The following ITGA9 variants were observed in gnomAD, a reference collection of about 807,000 sequenced individuals.
The protein encoded by ITGA9 is integrin subunit alpha 9.
In ITGA9, 56 loss-of-function variants were observed where a neutral mutation model predicts 127.8. The ratio of observed to expected loss-of-function variants is 0.44; its 90% confidence interval spans 0.35 to 0.55. The LOEUF (loss-of-function observed/expected upper bound fraction) is 0.55, where lower values mean the gene tolerates loss of function less well. Among genes scored for constraint, ITGA9 ranks in the 20% least tolerant of loss-of-function variants. The pLI, the probability that ITGA9 is intolerant of heterozygous loss-of-function variation, is 0.00. For missense variants in ITGA9, 1,196 were observed against 1,347.1 expected, an observed-to-expected ratio of 0.89 and a Z score of 1.76; for synonymous variants, 508 against 514.5, an observed-to-expected ratio of 0.99 and a Z score of 0.17.
chr3:37,658,614 A>G (rs906297376), intron 17 of ITGA9, among the ~76,000 whole-genome samples: 1 of 152,134 alleles, frequency 6.6e-6, no homozygotes, highest in Non-Finnish European at 1.5e-5. Context: ...AATACAGCAC[A>G]CTGATGGGTC....
chr3:37,538,792 T>G (rs1699238436), intron 14 of ITGA9, among the ~76,000 whole-genome samples: 1 of 152,240 alleles, frequency 6.6e-6, no homozygotes, highest in South Asian at 2.1e-4. Context: ...GACTCTTGCT[T>G]TCTTCTAGAG....
chr3:37,525,464 C>T (rs1422151290), intron 12 of ITGA9, among the ~76,000 whole-genome samples: 3 of 152,070 alleles, frequency 2.0e-5, no homozygotes, highest in African/African-American at 4.8e-5. Context: ...ATGAGATACT[C>T]AGGTCACATA....
chr3:37,676,293 A>G lies in ITGA9; in HGVS notation c.1917-7572A>G, dbSNP rs574483572. On this transcript the variant is annotated intron_variant, in intron 17 of 27. Coordinates refer to ENST00000264741, the MANE Select transcript of ITGA9 (RefSeq NM_002207.3). ...GAGTATCTGCTGTCTTTGAAAACTC[A>G]TGTGTATGTTAAACTTAATTCAGAC... is the stretch of plus-strand genomic sequence containing the variant. 2.6e-3 allele frequency among the ~76,000 whole-genome samples: 391 copies of G among 152,306 alleles called. 4 individuals carry two copies. The highest frequency in any genetic ancestry group is 9.0e-3 in the African/African-American group (376 of 41,570).
intron 3 of ITGA9, among the ~76,000 whole-genome samples, chr3:37,479,056 C>G (rs911391107): frequency 8.5e-5 from 13 of 152,190 alleles, no homozygotes; most frequent in Admixed American, 7.9e-4. Context: ...AAAACATGGT[C>G]AACCCTTGAA....
chr3:37,460,449 T>C (rs1169542644), intron 1 of ITGA9, among the ~76,000 whole-genome samples: 1 of 152,180 alleles, frequency 6.6e-6, no homozygotes, highest in East Asian at 1.9e-4. Context: ...AGAGTATAAT[T>C]GAATCACTTG....
chr3:37,652,060 A>G (rs1412042985), intron 16 of ITGA9, among the ~76,000 whole-genome samples: 1 of 151,884 alleles, frequency 6.6e-6, no homozygotes, highest in African/African-American at 2.4e-5. Flanking sequence ...AGGGGACTGT[A>G]CACTAGGGGC....
At chr3:37,776,171 G>A (rs1044212570) in intron 23 of ITGA9, among the ~76,000 whole-genome samples, 5 of 152,158 alleles carry the variant, frequency 3.3e-5, no homozygotes, top group Non-Finnish European at 7.3e-5. Flanking sequence ...ACAGACACTG[G>A]AGTCTATTTG....
intron 17 of ITGA9, among the ~76,000 whole-genome samples, chr3:37,670,090 AAAG>A (rs1700623038): frequency 6.6e-6 from 1 of 151,644 alleles, no homozygotes; most frequent in African/African-American, 2.4e-5. Flanking sequence ...CCAAGAAAAA[AAAG>A]AAATACAAAT....
intron 15 of ITGA9, among the ~76,000 whole-genome samples, chr3:37,582,230 A>G (rs556109151): frequency 6.6e-6 from 1 of 152,374 alleles, no homozygotes; most frequent in South Asian, 2.1e-4. Context: ...AAGTCTCTAA[A>G]GCATATTTCA....
intron 18 of ITGA9, among the ~76,000 whole-genome samples, chr3:37,725,764 G>A (rs563077572): frequency 6.6e-6 from 1 of 152,346 alleles, no homozygotes; most frequent in East Asian, 1.9e-4. Context: ...AGCAGTGGCA[G>A]TCCAGCAATA....
chr3:37,612,962 T>C (rs1310962040), intron 15 of ITGA9, among the ~76,000 whole-genome samples: 4 of 150,622 alleles, frequency 2.7e-5, no homozygotes, highest in Admixed American at 6.6e-5. Flanking sequence ...TGCTGTTCTT[T>C]TTTTTTTTTT....
At chr3:37,793,727 G>A (rs1329445254) in intron 26 of ITGA9, among the ~76,000 whole-genome samples, 1 of 152,180 alleles carries the variant, frequency 6.6e-6, no homozygotes, top group Non-Finnish European at 1.5e-5. Context: ...GAGGAGAAGG[G>A]AAGCAAGGGT....
chr3:37,458,270 G>A (rs997465499), intron 1 of ITGA9, among the ~76,000 whole-genome samples: 1 of 152,216 alleles, frequency 6.6e-6, no homozygotes, highest in Non-Finnish European at 1.5e-5. Context: ...AGAGATCAAT[G>A]CACATTCACT....
intron 23 of ITGA9, among the ~76,000 whole-genome samples, chr3:37,753,080 A>G (rs1457512467): frequency 6.6e-6 from 1 of 152,226 alleles, no homozygotes; most frequent in Non-Finnish European, 1.5e-5. Flanking sequence ...ACAGAAAAAA[A>G]AGGAAACAGG....
Position 37,629,168 on chromosome 3 carries a change from T to G in ITGA9, c.1690-19T>G. On this transcript the variant is annotated intron_variant, in intron 15 of 27. Coordinates refer to ENST00000264741, the MANE Select transcript of ITGA9 (RefSeq NM_002207.3). The surrounding 1 kb of genome is among the most constrained non-coding windows in gnomAD (Gnocchi z 4.5). The stretch of plus-strand genomic sequence containing the variant: ...AGCCAGGATTAGTAGTTAATGCACG[T>G]ATTTGTTTATTGTTTCAGCGGAGGG... The G allele has an allele frequency of 6.2e-7, 1 of 1,612,164 alleles. No homozygotes were observed. Among genetic ancestry groups the G allele is most frequent in the African/African-American group, 1.3e-5 (1 of 74,992 alleles).
At chr3:37,596,272 AAG>A (rs1699869711) in intron 15 of ITGA9, among the ~76,000 whole-genome samples, 1 of 49,294 alleles carries the variant, frequency 2.0e-5, no homozygotes, top group Non-Finnish European at 5.7e-5. Context: ...TGAAAAGAGA[AAG>A]GCTACAACTC....
intron 17 of ITGA9, among the ~76,000 whole-genome samples, chr3:37,680,462 T>C (rs1700724243): frequency 6.6e-6 from 1 of 152,132 alleles, no homozygotes; most frequent in Non-Finnish European, 1.5e-5. Context: ...GACTTTGAAA[T>C]CCCAGGAATG....
At chr3:37,640,402 G>A (rs909171944) in intron 16 of ITGA9, among the ~76,000 whole-genome samples, 5 of 152,116 alleles carry the variant, frequency 3.3e-5, no homozygotes, top group Non-Finnish European at 7.4e-5. Context: ...GCTGGGAGAG[G>A]CTTCCAGGTG....
At position 37,587,212 on chromosome 3, in the gene ITGA9, G is replaced by A. The variant is rs186384664; in HGVS notation, c.1690-41975G>A. Among the ~76,000 whole-genome samples the A allele has an allele frequency of 3.3e-5, 5 of 152,294 alleles. No individual in the cohort carries two copies. In the East Asian group the frequency reaches 7.7e-4, roughly 23 times the overall value. ...TATTAAAAATGGTATGTATGCCCCA[G>A]GACAGAGATTAGGCTATGGTGGGCA... On this transcript the variant is annotated intron_variant, in intron 15 of 27. Coordinates refer to ENST00000264741, the MANE Select transcript of ITGA9 (RefSeq NM_002207.3).
Sources: allele counts gnomAD v4.1 joint callset (sites outside exome capture counted in the v4.1 genomes callset), GRCh38; gene constraint gnomAD v4.1.1; non-coding constraint Gnocchi (gnomAD v3.1); transcripts MANE v1.5; gene names NCBI Gene and HGNC (gene_info 2026-07-23, HGNC 2026-07-21).